ATP10B: variants seen among roughly 807,000 people sequenced by gnomAD.
The protein encoded by ATP10B is phospholipid-transporting ATPase VB.
Under a neutral mutation model 141.2 loss-of-function variants are expected in ATP10B, and 122 were observed. The observed-to-expected ratio is 0.86, with a 90% CI of 0.75 to 1.00. The LOEUF (loss-of-function observed/expected upper bound fraction) is 1.00. Among genes scored for constraint, ATP10B ranks in the 50% least tolerant of loss-of-function variants. The pLI is 0.00. For missense variants in ATP10B, 1,876 were observed against 1,825.3 expected (o/e 1.03, Z -0.51); for synonymous variants, 685 against 692.0 (o/e 0.99, Z 0.16).
intron 6 of ATP10B, among the ~76,000 whole-genome samples, chr5:160,678,938 G>A (rs1644748104): frequency 6.6e-6 from 1 of 152,202 alleles, no homozygotes; most frequent in Admixed American, 6.5e-5. Context: ...ATTGCATCCT[G>A]AAGTTTATTT....
intron 13 of ATP10B, among the ~76,000 whole-genome samples, chr5:160,625,350 TC>T (rs1262334870): frequency 6.6e-6 from 1 of 152,188 alleles, no homozygotes; most frequent in East Asian, 1.9e-4. Context: ...TCCTTAAGGC[TC>T]AGCAGATAGT....
chr5:160,766,337 A>AACACAC (rs58890049), intron 2 of ATP10B, among the ~76,000 whole-genome samples: 12,285 of 140,192 alleles, frequency 0.088, 641 homozygotes, highest in Non-Finnish European at 0.11. Flanking sequence ...GGATAAAGAG[A>AACACAC]ACACACACAC....
chr5:160,702,742 G>C (rs1317338509), intron 3 of ATP10B, among the ~76,000 whole-genome samples: 3 of 152,152 alleles, frequency 2.0e-5, no homozygotes, highest in Non-Finnish European at 2.9e-5. Context: ...CATTATACAA[G>C]ATTACAAGTT....
intron 2 of ATP10B, among the ~76,000 whole-genome samples, chr5:160,772,515 C>A (rs187239771): frequency 1.2e-4 from 19 of 152,268 alleles, no homozygotes; most frequent in African/African-American, 4.6e-4. Context: ...GACAATTCTT[C>A]CAGGGATGTG....
At chr5:160,777,975 TA>T (rs11314632) in intron 2 of ATP10B, among the ~76,000 whole-genome samples, 65,893 of 151,626 alleles carry the variant, frequency 0.43, 14,525 homozygotes, top group East Asian at 0.59. Flanking sequence ...ACTTAGGTTA[TA>T]AAAAAAATAA....
chr5:160,658,955 T>C (rs1348597712), intron 7 of ATP10B, among the ~76,000 whole-genome samples: 2 of 152,202 alleles, frequency 1.3e-5, no homozygotes, highest in African/African-American at 4.8e-5. Context: ...AACTAATCCG[T>C]ATACCATATT....
At chr5:160,638,053 A>G (rs930231342) in intron 10 of ATP10B, among the ~76,000 whole-genome samples, 2 of 152,210 alleles carry the variant, frequency 1.3e-5, no homozygotes, top group Non-Finnish European at 2.9e-5. Context: ...CAGGAGGGCC[A>G]GGGCAGAGTA....
chr5:160,609,380 T>G (rs922775677), intron 18 of ATP10B, among the ~76,000 whole-genome samples: 1 of 79,376 alleles, frequency 1.3e-5, no homozygotes, highest in Non-Finnish European at 2.5e-5. Flanking sequence ...TGCCATAACT[T>G]ATTTTTTTTT....
chr5:160,568,935 G>T (rs963236133), intron 25 of ATP10B, among the ~76,000 whole-genome samples: 4 of 152,178 alleles, frequency 2.6e-5, no homozygotes, highest in African/African-American at 9.7e-5. Flanking sequence ...TGTATGGAAG[G>T]TGTGTGTTTA....
the ATP10B span, among the ~76,000 whole-genome samples, chr5:160,870,960 C>A: frequency 2.0e-5 from 3 of 152,276 alleles, no homozygotes; most frequent in East Asian, 5.8e-4. Context: ...CAACAACCTA[C>A]AATTCTGTAC....
chr5:160,859,168 T>G, the ATP10B span, among the ~76,000 whole-genome samples: 1 of 151,968 alleles, frequency 6.6e-6, no homozygotes, highest in East Asian at 1.9e-4. Flanking sequence ...CTTTATTTTT[T>G]TGTTTGTTTT....
At chr5:160,771,638 C>T (rs115043106) in intron 2 of ATP10B, among the ~76,000 whole-genome samples, 2 of 151,880 alleles carry the variant, frequency 1.3e-5, no homozygotes, top group Non-Finnish European at 2.9e-5. Context: ...CACATAGTCT[C>T]TCCCCACTTT....
intron 2 of ATP10B, among the ~76,000 whole-genome samples, chr5:160,735,479 A>G (rs939096105): frequency 2.6e-5 from 4 of 152,162 alleles, no homozygotes; most frequent in African/African-American, 9.6e-5. Flanking sequence ...CCAACACTGG[A>G]GCACACAGAT....
chr5:160,571,373 T>C (rs1374131355), intron 24 of ATP10B, among the ~76,000 whole-genome samples: 1 of 152,220 alleles, frequency 6.6e-6, no homozygotes, highest in Non-Finnish European at 1.5e-5. Flanking sequence ...GTAGTCTTTA[T>C]TTCTAAATTT....
At chr5:160,872,797 A>G in the ATP10B span, among the ~76,000 whole-genome samples, 4 of 152,240 alleles carry the variant, frequency 2.6e-5, no homozygotes, top group Admixed American at 6.5e-5. Context: ...ATAGTTTGAT[A>G]TCAGGTAATG....
intron 3 of ATP10B, among the ~76,000 whole-genome samples, chr5:160,701,696 A>G (rs1764689195): frequency 6.6e-6 from 1 of 151,996 alleles, no homozygotes; most frequent in African/African-American, 2.4e-5. Flanking sequence ...TCCTGGGAAT[A>G]GTCACACCTC....
chr5:160,770,279 G>A (rs1252408497), intron 2 of ATP10B, among the ~76,000 whole-genome samples: 1 of 151,506 alleles, frequency 6.6e-6, no homozygotes, highest in Non-Finnish European at 1.5e-5. Flanking sequence ...CCCTTCCTCT[G>A]CAATTTTGTC....
chr5:160,708,262 T>C (rs1765134592), intron 3 of ATP10B, among the ~76,000 whole-genome samples: 1 of 152,126 alleles, frequency 6.6e-6, no homozygotes, highest in Admixed American at 6.5e-5. Flanking sequence ...ATTATTCTGA[T>C]ATGTGAAATT....
chr5:160,693,077 TGGCCTGTGTTTTTCAA>T, intron 3 of ATP10B, among the ~76,000 whole-genome samples: 1 of 152,060 alleles, frequency 6.6e-6, no homozygotes, highest in East Asian at 1.9e-4. Context: ...ATAAAACAAC[TGGCCTGTGTTTTTCAA>T]GTGTAAATGG....
Sources: allele counts gnomAD v4.1 joint callset (sites outside exome capture counted in the v4.1 genomes callset), GRCh38; gene constraint gnomAD v4.1.1; transcripts MANE v1.5; gene names NCBI Gene and HGNC (gene_info 2026-07-23, HGNC 2026-07-21).